Variants in PIK3R3 observed in about 807,000 individuals in gnomAD.
PIK3R3 encodes phosphatidylinositol 3-kinase regulatory subunit gamma.
PIK3R3 carries 64 observed loss-of-function variants against 62.9 expected under a neutral mutation model. The observed-to-expected ratio is 1.02, with a 90% CI of 0.83 to 1.25. The LOEUF (loss-of-function observed/expected upper bound fraction) is 1.25. Ranked by LOEUF, PIK3R3 falls within the 50% of genes most tolerant of loss-of-function variation. The probability of loss-of-function intolerance (pLI) is 0.00; values close to 1 mark genes in which losing one functional copy is unlikely to be tolerated. For synonymous variants in PIK3R3, 165 were observed against 189.0 expected, an observed-to-expected ratio of 0.87 and a Z score of 1.04; for missense variants, 614 against 561.6, an observed-to-expected ratio of 1.09 and a Z score of -0.94.
chr1:46,130,168 TTGTA>T (rs1655451887), intron 1 of PIK3R3, among the ~76,000 whole-genome samples: 2 of 152,194 alleles, frequency 1.3e-5, no homozygotes, highest in Admixed American at 1.3e-4. Context: ...CAAATTCCCT[TTGTA>T]TGTCTGCAAG....
intron 5 of PIK3R3, among the ~76,000 whole-genome samples, chr1:46,064,410 G>A (rs1648805315): frequency 6.6e-6 from 1 of 151,638 alleles, no homozygotes. Flanking sequence ...GCATGGTGGT[G>A]CACGCCTGTA....
At chr1:46,164,517 A>T in the PIK3R3 span, among the ~76,000 whole-genome samples, 2 of 152,054 alleles carry the variant, frequency 1.3e-5, no homozygotes, top group Admixed American at 1.3e-4. Flanking sequence ...GGCTCTCAGG[A>T]TAAAAACCAG....
rs767841288 is a variant in PIK3R3, at chr1:46,061,940, C to T, written c.753G>A (p.Lys251=). ...CTAAGTAGACTTACCGTTCAATCTC[C>T]TTTTCATTCCCCTCTCTGCGAAATC... The part of the protein sequence containing the change: ...IERFRREGNE[K]EIERIMMNYD... The change falls in exon 6 of 10, where the codon AAG becomes AAA. Residue 251 remains lysine, a synonymous_variant. Coordinates refer to ENST00000262741, the MANE Select transcript of PIK3R3 (RefSeq NM_003629.4). 1.9e-6 allele frequency: 3 copies of T among 1,613,436 alleles called. No individual in the cohort carries two copies. The highest frequency in any genetic ancestry group is 2.5e-6 in the Non-Finnish European group (3 of 1,179,474).
intron 1 of PIK3R3, among the ~76,000 whole-genome samples, chr1:46,102,049 A>T (rs1466222775): frequency 1.5e-5 from 2 of 134,070 alleles, no homozygotes; most frequent in East Asian, 2.3e-4. Context: ...CAGTGGCGCA[A>T]TCTCGGCTCA....
intron 1 of PIK3R3, among the ~76,000 whole-genome samples, chr1:46,094,117 A>T (rs1050915572): frequency 2.6e-5 from 4 of 152,148 alleles, no homozygotes; most frequent in Admixed American, 6.6e-5. Context: ...AAGACACAAA[A>T]CAAACCTAAA....
intron 1 of PIK3R3, among the ~76,000 whole-genome samples, chr1:46,096,616 T>C (rs1015616823): frequency 2.0e-5 from 3 of 152,144 alleles, no homozygotes; most frequent in Admixed American, 6.6e-5. Context: ...GTAATAAAAC[T>C]GGCCAGGTGC....
At chr1:46,148,499 T>C in the PIK3R3 span, among the ~76,000 whole-genome samples, 2 of 152,162 alleles carry the variant, frequency 1.3e-5, no homozygotes, top group Non-Finnish European at 2.9e-5. Flanking sequence ...TGGAGTTGAA[T>C]CTCATCAGCC....
At chr1:46,075,487 T>C (rs766606101) in intron 3 of PIK3R3, among the ~76,000 whole-genome samples, 2 of 152,084 alleles carry the variant, frequency 1.3e-5, no homozygotes, top group Non-Finnish European at 2.9e-5. Flanking sequence ...CTGGGTGTGG[T>C]GGCATGCGCC....
chr1:46,059,654 T>C (rs1648281767), intron 6 of PIK3R3, among the ~76,000 whole-genome samples: 1 of 151,922 alleles, frequency 6.6e-6, no homozygotes, highest in Non-Finnish European at 1.5e-5. Context: ...AATTAGCCAA[T>C]GCAGTGGCAC....
chr1:46,154,330 G>T, the PIK3R3 span, among the ~76,000 whole-genome samples: 1 of 152,164 alleles, frequency 6.6e-6, no homozygotes, highest in Non-Finnish European at 1.5e-5. Flanking sequence ...CACTTTGGGA[G>T]GCTGAGGCAG....
chr1:46,153,361 A>C, the PIK3R3 span, among the ~76,000 whole-genome samples: 3 of 152,174 alleles, frequency 2.0e-5, no homozygotes, highest in African/African-American at 7.2e-5. Flanking sequence ...AGTTGAGAAT[A>C]AGTTCTTGAA....
intron 1 of PIK3R3, among the ~76,000 whole-genome samples, chr1:46,125,979 C>T (rs986228449): frequency 1.6e-4 from 24 of 152,154 alleles, no homozygotes; most frequent in Admixed American, 1.2e-3. Context: ...CCAGGATGGT[C>T]TCGATCTCCT....
chr1:46,148,836 A>G, the PIK3R3 span, among the ~76,000 whole-genome samples: 1 of 152,160 alleles, frequency 6.6e-6, no homozygotes, highest in Non-Finnish European at 1.5e-5. Context: ...AATTCAAATG[A>G]TAAATGACTT....
chr1:46,098,965 G>C, intron 1 of PIK3R3, among the ~76,000 whole-genome samples: 1 of 152,112 alleles, frequency 6.6e-6, no homozygotes, highest in East Asian at 1.9e-4. Context: ...GTCTCCCAGA[G>C]CTGGGATTAT....
At chr1:46,161,960 C>T in the PIK3R3 span, among the ~76,000 whole-genome samples, 86 of 151,814 alleles carry the variant, frequency 5.7e-4, 1 homozygote, top group South Asian at 0.014. Flanking sequence ...GGCGTGGTGG[C>T]GGGCACCTGT....
intron 3 of PIK3R3, among the ~76,000 whole-genome samples, chr1:46,073,207 G>C (rs1276400350): frequency 2.0e-5 from 3 of 152,162 alleles, no homozygotes; most frequent in South Asian, 4.1e-4. Flanking sequence ...CTTTGCTTCT[G>C]CTGTCTGTTA....
rs1018114091 is a variant in PIK3R3 at position 46,043,504 on chromosome 1, C to T, written c.*169G>A. 1.6e-6 allele frequency: 1 copy of T among 614,852 alleles called. No individual in the cohort carries two copies. Among genetic ancestry groups the T allele is most frequent in the Non-Finnish European group, 2.9e-6 (1 of 346,580 alleles). The allele number at this position is 614,852 out of a possible 1,614,324, so 38.1% of individuals were successfully genotyped here. ...GGCTGAGTCCTAGAGAACCTCAGGC[C>T]TCTAATGCCCCCATCCCGGCCGGCT... On this transcript the variant is annotated 3_prime_UTR_variant, in exon 10 of 10. Coordinates refer to ENST00000262741, the MANE Select transcript of PIK3R3 (RefSeq NM_003629.4).
intron 9 of PIK3R3, among the ~76,000 whole-genome samples, chr1:46,045,328 A>G (rs1428078560): frequency 6.6e-6 from 1 of 152,228 alleles, no homozygotes; most frequent in Non-Finnish European, 1.5e-5. Context: ...TTGCCTTCTT[A>G]AAGAATATAT....
At chr1:46,140,496 C>T in the PIK3R3 span, among the ~76,000 whole-genome samples, 1 of 152,250 alleles carries the variant, frequency 6.6e-6, no homozygotes, top group South Asian at 2.1e-4. Context: ...AGGGTCTTTG[C>T]AGATATAATT....
Sources: gnomAD v4.1 joint callset for allele counts (sites outside exome capture counted in the v4.1 genomes callset) on GRCh38, gnomAD v4.1.1 for gene constraint, MANE v1.5 for transcripts, NCBI Gene and HGNC (gene_info 2026-07-23, HGNC 2026-07-21) for gene names.